WNT16: variants seen among roughly 807,000 people sequenced by gnomAD.
The protein encoded by WNT16 is protein Wnt-16.
Under a neutral mutation model 35.4 loss-of-function variants are expected in WNT16, and 20 were observed. The observed-to-expected ratio is 0.56, with a 90% confidence interval of 0.40 to 0.82. The LOEUF (loss-of-function observed/expected upper bound fraction) is 0.82. Ranked by LOEUF, WNT16 falls within the 40% of genes least tolerant of loss-of-function variation. The pLI, the probability that WNT16 is intolerant of heterozygous loss-of-function variation, is 0.00. For synonymous variants in WNT16, 180 were observed against 179.2 expected (o/e 1.00, Z -0.03); for missense variants, 461 against 466.0 (o/e 0.99, Z 0.10).
chr7:121,329,238 T>C lies in WNT16; in HGVS notation c.-55T>C. On this transcript the variant is annotated 5_prime_UTR_variant, in exon 1 of 4. Coordinates refer to ENST00000222462, the MANE Select transcript of WNT16 (RefSeq NM_057168.2). ...ACTGACCTGCGGCCCGAAGGGCCTC[T>C]GGGGAGGGGGTGCAAAAGAGGAGCG... is the stretch of plus-strand genomic sequence containing the variant. 1 of 1,482,096 alleles carries C rather than the reference T, an allele frequency of 6.7e-7. No individual in the cohort carries two copies. Among genetic ancestry groups the C allele is most frequent in the Non-Finnish European group, 9.0e-7 (1 of 1,116,750 alleles). 91.8% of individuals were successfully genotyped at this position (1,482,096 alleles called of 1,614,324 possible).
At position 121,329,095 on chromosome 7, in the gene WNT16, C is replaced by T. The variant is rs1425471192; in HGVS notation, c.-198C>T. The T allele has an allele frequency of 2.2e-5, 29 of 1,331,444 alleles. No homozygotes were observed. The highest frequency in any genetic ancestry group is 3.2e-5 in the Admixed American group (1 of 31,088). 82.5% of individuals were successfully genotyped at this position (1,331,444 alleles called of 1,614,324 possible). ...GAGGAGATCCCCAGGCTGCTCTCTC[C>T]ATCTCTCCTACAGCTCCCTGCAAAC... On this transcript the variant is annotated 5_prime_UTR_variant, in exon 1 of 4. Transcript: ENST00000222462.
Position 121,329,593 on chromosome 7 carries a change from T to C in WNT16, c.122T>C (p.Val41Ala), listed in dbSNP as rs1043490812. The change falls in exon 2 of 4, where the codon GTT becomes GCT. Residue 41 changes from valine to alanine, a missense_variant. By Grantham distance (64) the Val-to-Ala change is moderately conservative. Transcript: ENST00000222462. ...WMWLGIASFG[V>A]PEKLGCANLP... Reference sequence around the variant, plus strand: ...TGGTTGGGCATTGCCTCCTTCGGGGTTCCAGAGAAGCTGGGCTGCGCCAAT... The same window carrying C: ...TGGTTGGGCATTGCCTCCTTCGGGGCTCCAGAGAAGCTGGGCTGCGCCAAT... 2 of 1,614,036 alleles carry C rather than the reference T, an allele frequency of 1.2e-6. No homozygotes were observed. Among genetic ancestry groups the C allele is most frequent in the Admixed American group, 3.3e-5 (2 of 60,020 alleles).
chr7:121,339,239 C>T lies in WNT16; in HGVS notation c.992C>T (p.Thr331Ile). The change falls in exon 4 of 4, where the codon ACC (threonine) becomes ATC (isoleucine). Residue 331 changes from threonine to isoleucine, a missense_variant. Coordinates refer to ENST00000222462, the MANE Select transcript of WNT16 (RefSeq NM_057168.2). ...NLLCCGRGYN[T>I]HVVRHVERCE... ...CTCTGCTGTGGCCGAGGTTACAACA[C>T]CCATGTGGTCAGGCACGTGGAGAGG... 6.2e-7 allele frequency: 1 copy of T among 1,614,182 alleles called. No homozygotes were observed. The highest frequency in any genetic ancestry group is 8.5e-7 in the Non-Finnish European group (1 of 1,180,018).
Position 121,329,865 on chromosome 7 carries a change from T to C in WNT16, c.346+48T>C, listed in dbSNP as rs773766470. On this transcript the variant is annotated intron_variant, in intron 2 of 3. Transcript: ENST00000222462. ...TTGGTGGGGGACGGAAGGCGACAAC[T>C]CCTCCACCGGTTCCTGCAAATAAAG... The C allele has an allele frequency of 1.2e-5, 18 of 1,531,576 alleles. No individual in the cohort carries two copies. In the South Asian group the frequency reaches 2.0e-4, roughly 17 times the overall value. The allele number at this position is 1,531,576 out of a possible 1,614,324, so 94.9% of individuals were successfully genotyped here.
At chr7:121,330,137 C>A (rs911500164) in intron 2 of WNT16, among the ~76,000 whole-genome samples, 2 of 152,244 alleles carry the variant, frequency 1.3e-5, no homozygotes, top group Non-Finnish European at 2.9e-5. Flanking sequence ...GTAGCGCCCC[C>A]CTACGTGGGT....
chr7:121,335,217 A>C (rs1793421570), intron 3 of WNT16, among the ~76,000 whole-genome samples: 1 of 152,126 alleles, frequency 6.6e-6, no homozygotes, highest in Non-Finnish European at 1.5e-5. Context: ...CGGACAACGT[A>C]ATTTACTGAA....
At chr7:121,330,651 G>A (rs1405738925) in intron 2 of WNT16, among the ~76,000 whole-genome samples, 2 of 140,780 alleles carry the variant, frequency 1.4e-5, no homozygotes, top group Admixed American at 1.5e-4. Context: ...GCCGAGCCGC[G>A]CACCTCCCCC....
chr7:121,339,158 G>T lies in WNT16; in HGVS notation c.911G>T (p.Gly304Val). The T allele has an allele frequency of 6.2e-7, 1 of 1,614,138 alleles. No homozygotes were observed. The highest frequency in any genetic ancestry group is 8.5e-7 in the Non-Finnish European group (1 of 1,180,024). ...CVEDKKLGIP[G>V]TQGRECNRTS... ...GAAGATAAGAAACTGGGAATCCCAGGGACACAAGGCAGAGAATGCAACCGT... is the reference window on the plus strand; with the variant it reads ...GAAGATAAGAAACTGGGAATCCCAGTGACACAAGGCAGAGAATGCAACCGT... Residue 304 changes from glycine to valine, a missense_variant, in exon 4 of 4, where the codon GGG becomes GTG. Coordinates refer to ENST00000222462, the MANE Select transcript of WNT16 (RefSeq NM_057168.2).
upstream of WNT16, chr7:121,328,865 C>T: frequency 4.1e-6 from 1 of 243,934 alleles, no homozygotes; most frequent in Non-Finnish European, 6.7e-6. Context: ...CCCGCGGAGC[C>T]GCTCTCCACC....
At chr7:121,335,072 AACAGGAATCCTACAT>A (rs1174729414) in intron 3 of WNT16, among the ~76,000 whole-genome samples, 1 of 152,118 alleles carries the variant, frequency 6.6e-6, no homozygotes, top group African/African-American at 2.4e-5. Context: ...GGGTCAGAGG[AACAGGAATCCTACAT>A]ACACCCATCC....
At chr7:121,337,814 T>C (rs1793465719) in intron 3 of WNT16, among the ~76,000 whole-genome samples, 1 of 152,212 alleles carries the variant, frequency 6.6e-6, no homozygotes, top group African/African-American at 2.4e-5. Flanking sequence ...TGTCAGGCAG[T>C]GGACTATTAC....
rs185320709 is a variant in WNT16 at position 121,339,456 on chromosome 7, C to A, written c.*111C>A. The A allele has an allele frequency of 1.9e-5, 19 of 990,302 alleles. No individual in the cohort carries two copies. The highest frequency in any genetic ancestry group is 5.8e-6 in the Non-Finnish European group (4 of 690,558). 61.3% of individuals were successfully genotyped at this position (990,302 alleles called of 1,614,324 possible). On this transcript the variant is annotated 3_prime_UTR_variant, in exon 4 of 4. Transcript: ENST00000222462. ...GTAAAGTTGACTCTTGCAGTGGAAT[C>A]CCTAGAACCTTGGACCTGAGAGTTT...
chr7:121,327,879 C>G (rs1793268034), upstream of WNT16, among the ~76,000 whole-genome samples: 1 of 152,210 alleles, frequency 6.6e-6, no homozygotes, highest in Non-Finnish European at 1.5e-5. Flanking sequence ...CACTGATTAA[C>G]TAACCTTCCA....
chr7:121,326,509 C>A (rs1793246150), upstream of WNT16, among the ~76,000 whole-genome samples: 1 of 152,122 alleles, frequency 6.6e-6, no homozygotes, highest in African/African-American at 2.4e-5. Flanking sequence ...TCTGAGTGCA[C>A]CCCAAAGGCT....
rs908309936 is a variant in WNT16 at position 121,340,825 on chromosome 7, T to A, written c.*1480T>A. 1 of 152,248 alleles carries A rather than the reference T, an allele frequency of 6.6e-6. No individual in the cohort carries two copies. The highest frequency in any genetic ancestry group is 2.4e-5 in the African/African-American group (1 of 41,436). 9.4% of individuals were successfully genotyped at this position (152,248 alleles called of 1,614,324 possible). On this transcript the variant is annotated 3_prime_UTR_variant, in exon 4 of 4. Transcript: ENST00000222462. ...CCTGGTAAAAATTACAGGGCTCTAT[T>A]TAAGGATGTATTTTAATGTAAATGC...
chr7:121,339,050 G>T lies in WNT16; in HGVS notation c.803G>T (p.Arg268Leu), dbSNP rs372532684. The T allele has an allele frequency of 6.2e-7, 1 of 1,614,110 alleles. No individual in the cohort carries two copies. Among genetic ancestry groups the T allele is most frequent in the East Asian group, 2.2e-5 (1 of 44,882 alleles). ...TCAGACAAAACAAAGAGGAAAATGC[G>T]CAGGAGAGAAAAAGATCAGAGGAAA... ...QISDKTKRKM[R>L]RREKDQRKIP... Residue 268 changes from arginine to leucine, a missense_variant, in exon 4 of 4, where the codon CGC (arginine) becomes CTC (leucine). Physicochemically the swap from Arg to Leu is moderately radical, Grantham distance 102. Coordinates refer to ENST00000222462, the MANE Select transcript of WNT16 (RefSeq NM_057168.2).
chr7:121,327,407 G>A (rs1359101100), upstream of WNT16, among the ~76,000 whole-genome samples: 3 of 141,416 alleles, frequency 2.1e-5, no homozygotes, highest in East Asian at 6.7e-4. Flanking sequence ...CTGGAGTGCA[G>A]TGGCGCTATC....
chr7:121,329,543 G>A (rs373953076), intron 1 of WNT16, 24 bp from the exon 2 acceptor site: 226 of 1,611,604 alleles, frequency 1.4e-4, no homozygotes, highest in Non-Finnish European at 1.8e-4. Context: ...GCGGCTTAAC[G>A]CTACGGGCGG....
intron 2 of WNT16, among the ~76,000 whole-genome samples, chr7:121,330,376 T>C (rs1384692199): frequency 6.6e-6 from 1 of 152,218 alleles, no homozygotes; most frequent in Non-Finnish European, 1.5e-5. Context: ...ACTTGTGCGC[T>C]TCTCGTTTCT....
Sources: allele counts gnomAD v4.1 joint callset (sites outside exome capture counted in the v4.1 genomes callset), GRCh38; gene constraint gnomAD v4.1.1; transcripts MANE v1.5; gene names NCBI Gene and HGNC (gene_info 2026-07-23, HGNC 2026-07-21).